Variants in FAM200C observed in about 807,000 individuals in gnomAD.
chr5:160,394,214 T>C, the FAM200C span: 21 of 1,611,462 alleles, frequency 1.3e-5, no homozygotes, highest in East Asian at 2.2e-5. Flanking sequence ...AAAAGGAAAA[T>C]TGGTAAAATT....
At chr5:160,393,765 CT>C in the FAM200C span, 2 of 1,561,262 alleles carry the variant, frequency 1.3e-6, no homozygotes, top group Non-Finnish European at 8.7e-7. Context: ...AAACGAGGAA[CT>C]TTTTTTGAAA....
At chr5:160,399,097 A>G in the FAM200C span, among the ~76,000 whole-genome samples, 2 of 152,232 alleles carry the variant, frequency 1.3e-5, no homozygotes, top group African/African-American at 4.8e-5. Context: ...TTCTATTTTA[A>G]TGTATTTTGG....
the FAM200C span, among the ~76,000 whole-genome samples, chr5:160,399,205 T>C: frequency 6.6e-6 from 1 of 152,204 alleles, no homozygotes; most frequent in Non-Finnish European, 1.5e-5. Context: ...AGATGCTTAA[T>C]GAAAGATCTG....
the FAM200C span, chr5:160,394,908 T>C: frequency 5.0e-6 from 8 of 1,612,942 alleles, no homozygotes; most frequent in South Asian, 7.7e-5. Context: ...CTTTCTTTTA[T>C]ATAGCGCACA....
chr5:160,394,113 C>A, the FAM200C span: 2 of 1,613,488 alleles, frequency 1.2e-6, no homozygotes, highest in Non-Finnish European at 1.7e-6. Flanking sequence ...GAAAAATATC[C>A]ATGGAAGAAG....
the FAM200C span, chr5:160,394,693 G>C: frequency 1.2e-6 from 2 of 1,614,110 alleles, no homozygotes; most frequent in Non-Finnish European, 8.5e-7. Flanking sequence ...GTGTAACTAC[G>C]ATATGAGGTA....
At chr5:160,398,909 C>T in the FAM200C span, among the ~76,000 whole-genome samples, 1 of 146,372 alleles carries the variant, frequency 6.8e-6, no homozygotes, top group Non-Finnish European at 1.5e-5. Context: ...TTTAAAAAGT[C>T]CTCATTTGTT....
At chr5:160,399,616 C>T in the FAM200C span, 89 of 152,262 alleles carry the variant, frequency 5.8e-4, no homozygotes, top group Admixed American at 2.1e-3. Context: ...CTCAGTTCCT[C>T]CAGAGGGGAT....
chr5:160,395,019 AG>A, the FAM200C span: 1 of 1,613,796 alleles, frequency 6.2e-7, no homozygotes, highest in Non-Finnish European at 8.5e-7. Flanking sequence ...ACTTGCTGTA[AG>A]ATATCCTGGC....
At chr5:160,395,453 C>A in the FAM200C span, 1 of 1,614,084 alleles carries the variant, frequency 6.2e-7, no homozygotes, top group Non-Finnish European at 8.5e-7. Context: ...GAACCAGTAG[C>A]GAACATAGTC....
the FAM200C span, among the ~76,000 whole-genome samples, chr5:160,398,386 C>A: frequency 6.6e-6 from 1 of 152,050 alleles, no homozygotes. Context: ...CTCGTCTCTA[C>A]TAAAAATACA....
chr5:160,395,175 T>C, the FAM200C span: 1 of 1,613,796 alleles, frequency 6.2e-7, no homozygotes, highest in Non-Finnish European at 8.5e-7. Context: ...TGAGGATTCT[T>C]CTCCTTGGCA....
the FAM200C span, among the ~76,000 whole-genome samples, chr5:160,399,217 T>C: frequency 6.6e-6 from 1 of 152,204 alleles, no homozygotes; most frequent in African/African-American, 2.4e-5. Context: ...AAAGATCTGA[T>C]ATAACAAAGT....
chr5:160,393,686 C>G, the FAM200C span: 14 of 1,458,666 alleles, frequency 9.6e-6, no homozygotes, highest in Admixed American at 2.3e-5. Flanking sequence ...TGAAATTATT[C>G]ATTAAAAAAG....
chr5:160,394,470 T>G, the FAM200C span: 1 of 1,613,968 alleles, frequency 6.2e-7, no homozygotes, highest in Non-Finnish European at 8.5e-7. Flanking sequence ...AAAATGTGAG[T>G]AAGTATTTGG....
At chr5:160,394,423 G>A in the FAM200C span, 2 of 1,613,580 alleles carry the variant, frequency 1.2e-6, no homozygotes, top group Non-Finnish European at 8.5e-7. Context: ...TACTGCTCTT[G>A]TGGTGAAGAA....
the FAM200C span, chr5:160,395,549 T>C: frequency 7.1e-7 from 1 of 1,406,408 alleles, no homozygotes; most frequent in Non-Finnish European, 1.0e-6. Flanking sequence ...GCTTTGGGAG[T>C]AAAATATAAC....
At chr5:160,393,487 T>C in the FAM200C span, 43 of 551,532 alleles carry the variant, frequency 7.8e-5, 2 homozygotes, top group South Asian at 9.9e-4. Context: ...ATACTTAGAA[T>C]TGGGAAAATC....
the FAM200C span, chr5:160,393,540 T>C: frequency 3.2e-6 from 2 of 622,384 alleles, no homozygotes; most frequent in African/African-American, 3.7e-5. Flanking sequence ...TTTTCTGCTG[T>C]GTTTTTATTC....
Sources: gnomAD v4.1 joint callset for allele counts (sites outside exome capture counted in the v4.1 genomes callset) on GRCh38, gnomAD v4.1.1 for gene constraint, MANE v1.5 for transcripts.